Variants in THBD observed in about 807,000 individuals in gnomAD.
THBD encodes the protein thrombomodulin.
For synonymous variants in THBD, 449 were observed against 374.2 expected, an observed-to-expected ratio of 1.20 and a Z score of -2.31; for missense variants, 850 against 816.9, an observed-to-expected ratio of 1.04 and a Z score of -0.49.
At position 23,048,778 on chromosome 20, in the gene THBD, A is replaced by C. The variant is rs1984653125; in HGVS notation, c.727T>G (p.Trp243Gly). The C allele has an allele frequency of 6.5e-7, 1 of 1,547,270 alleles. No homozygotes were observed. Among genetic ancestry groups the C allele is most frequent in the African/African-American group, 1.4e-5 (1 of 73,596 alleles). Residue 243 changes from tryptophan to glycine, a missense_variant, in exon 1 of 1, where the codon TGG becomes GGG. By Grantham distance (184) the Trp-to-Gly change is radical. Transcript: ENST00000377103. ...CCGCCGTTCTCCACGCTGCAGTCCC[A>C]AGCGCCCGGCGCCTCCCTGGCCCAG... ...GHWAREAPGA[W>G]DCSVENGGCE...
Position 23,047,666 on chromosome 20 carries a change from G to T in THBD, c.*111C>A. On this transcript the variant is annotated 3_prime_UTR_variant, in exon 1 of 1. Coordinates refer to ENST00000377103, the MANE Select transcript of THBD (RefSeq NM_000361.3). ...AATAGAAGAAAACAGCTTGGGGGGT[G>T]CGGGGAGGGTCTTCTCCAGCTGTAA... 3.0e-6 allele frequency: 4 copies of T among 1,321,156 alleles called. No individual in the cohort carries two copies. Among genetic ancestry groups the T allele is most frequent in the African/African-American group, 1.5e-5 (1 of 68,044 alleles). The allele number at this position is 1,321,156 out of a possible 1,614,324, so 81.8% of individuals were successfully genotyped here. A position where few individuals can be genotyped will look rare whatever the true frequency, so the allele number is the denominator to read the frequency against.
rs753355387 is a variant in THBD, at chr20:23,047,957, G to A, written c.1548C>T (p.Gly516=). ...TCGCGATGGAGATGCCTATGAGCAA[G>A]CCCGAATGCACGAGCCCCACGGCCG... The part of the protein sequence containing the change: ...TPPAVGLVHS[G]LLIGISIASL... The change falls in exon 1 of 1, where the codon GGC becomes GGT. Residue 516 remains glycine, a synonymous_variant. Transcript: ENST00000377103. 4.2e-5 allele frequency: 68 copies of A among 1,609,634 alleles called. No homozygotes were observed. The highest frequency in any genetic ancestry group is 5.3e-5 in the Non-Finnish European group (62 of 1,178,410).
rs772538825 is a variant in THBD, at chr20:23,048,653, C to G, written c.852G>C (p.Ala284=). 1 of 1,593,366 alleles carries G rather than the reference C, an allele frequency of 6.3e-7. No individual in the cohort carries two copies. The highest frequency in any genetic ancestry group is 8.5e-7 in the Non-Finnish European group (1 of 1,177,178). The change falls in exon 1 of 1, where the codon GCG becomes GCC. Residue 284 remains alanine, a synonymous_variant. Coordinates refer to ENST00000377103, the MANE Select transcript of THBD (RefSeq NM_000361.3). ...CGCAGAGGTCGTTGCAGGACTGCGT[C>G]GCGGATGCGGTGCAGGAGCGCCCGT... ...QADGRSCTAS[A]TQSCNDLCEH... is the part of the protein sequence containing the mutation.
In THBD at chr20:23,048,006, G is replaced by A. The variant is rs753344243; in HGVS notation, c.1499C>T (p.Thr500Met). The A allele has an allele frequency of 2.1e-5, 34 of 1,608,828 alleles. 1 individual carries two copies. The highest frequency in any genetic ancestry group is 1.8e-4 in the East Asian group (8 of 44,688). ...CGGAGGAGTCAAGGTGGAGCCGGGC[G>A]TCGGGCTGGGCGGGGGCTCGCCAGA... ...SGSGEPPPSP[T>M]PGSTLTPPAV... Residue 500 changes from threonine to methionine, a missense_variant, in exon 1 of 1, where the codon ACG becomes ATG. Transcript: ENST00000377103.
At position 23,049,386 on chromosome 20, in the gene THBD, G is replaced by T. The variant is rs766710327; in HGVS notation, c.119C>A (p.Pro40Gln). Residue 40 changes from proline (P) to glutamine (Q), a missense_variant, in exon 1 of 1, where the codon CCG (proline) becomes CAG (glutamine). Physicochemically the swap from Pro to Gln is moderately conservative, Grantham distance 76. Transcript: ENST00000377103. ...GGCATTGAGGAAGGTCGCGGGGCCC[G>T]GGTAGAGCGCGAAGCAGTCGTGCTC... ...CVEHDCFALY[P>Q]GPATFLNASQ... is the part of the protein sequence containing the mutation. The T allele has an allele frequency of 1.3e-6, 2 of 1,599,800 alleles. No individual in the cohort carries two copies. The highest frequency in any genetic ancestry group is 1.7e-6 in the Non-Finnish European group (2 of 1,174,338).
chr20:23,048,620 G>A lies in THBD; in HGVS notation c.885C>T (p.Phe295=), dbSNP rs1568666169. The change falls in exon 1 of 1, where the codon TTC becomes TTT. Residue 295 remains phenylalanine (F), a synonymous_variant. Transcript: ENST00000377103. ...TQSCNDLCEH[F]CVPNPDQPGS... ...CCGGCTGGTCGGGGTTGGGAACGCA[G>A]AAGTGCTCGCAGAGGTCGTTGCAGG... is the stretch of plus-strand genomic sequence containing the variant. The A allele has an allele frequency of 2.5e-6, 4 of 1,597,892 alleles. No individual in the cohort carries two copies. Among genetic ancestry groups the A allele is most frequent in the Non-Finnish European group, 3.4e-6 (4 of 1,179,348 alleles).
Position 23,049,339 on chromosome 20 carries a change from G to T in THBD, c.166C>A (p.Arg56=), listed in dbSNP as rs758573157. 4.4e-6 allele frequency: 7 copies of T among 1,598,734 alleles called. No individual in the cohort carries two copies. Among genetic ancestry groups the T allele is most frequent in the Non-Finnish European group, 6.0e-6 (7 of 1,173,448 alleles). Residue 56 remains arginine (R), a synonymous_variant, in exon 1 of 1, where the codon CGG becomes AGG. Transcript: ENST00000377103. ...LNASQICDGL[R]GHLMTVRSSV... is the part of the protein sequence containing the mutation. Reference sequence around the variant, plus strand: ...GAGCGCACTGTCATTAGGTGGCCCCGCAGTCCGTCGCAGATCTGACTGGCA... The same window carrying T: ...GAGCGCACTGTCATTAGGTGGCCCCTCAGTCCGTCGCAGATCTGACTGGCA...
At position 23,047,480 on chromosome 20, in the gene THBD, AAC is replaced by A; in HGVS notation, c.*295_*296del. 1 of 492,500 alleles carries A rather than the reference AAC, an allele frequency of 2.0e-6. No individual in the cohort carries two copies. Among genetic ancestry groups the A allele is most frequent in the Non-Finnish European group, 3.6e-6 (1 of 278,666 alleles). The allele number at this position is 492,500 out of a possible 1,614,324, so 30.5% of individuals were successfully genotyped here. On this transcript the variant is annotated 3_prime_UTR_variant, in exon 1 of 1. Transcript: ENST00000377103. Reference sequence around the variant, plus strand: ...TCTGCCCAGAAGGCTGCCGACCAATAACGCTCACCCTCCTGCGCCCGGTAGTG... The same window carrying A: ...TCTGCCCAGAAGGCTGCCGACCAATAGCTCACCCTCCTGCGCCCGGTAGTG...
At position 23,048,794 on chromosome 20, in the gene THBD, C is replaced by A. The variant is rs1160616117; in HGVS notation, c.711G>T (p.Arg237Ser). The A allele has an allele frequency of 2.6e-6, 4 of 1,539,278 alleles. No individual in the cohort carries two copies. The East Asian group carries it at 7.3e-5, about 28-fold the overall frequency. Residue 237 changes from arginine (R) to serine (S), a missense_variant, in exon 1 of 1, where the codon AGG becomes AGT. Transcript: ENST00000377103. ...TGCAGTCCCAAGCGCCCGGCGCCTC[C>A]CTGGCCCAGTGCCCCTGGACCGCTC... ...PPGAVQGHWA[R>S]EAPGAWDCSV...
chr20:23,049,496 C>A lies in THBD; in HGVS notation c.9G>T (p.Gly3=), dbSNP rs1984687680. The A allele has an allele frequency of 6.5e-7, 1 of 1,536,498 alleles. No homozygotes were observed. The highest frequency in any genetic ancestry group is 2.5e-5 in the East Asian group (1 of 40,366). ML[G]VLVLGALALA... ...GGGCCAGCGCGCCAAGGACCAGGAC[C>A]CCAAGCATGTTACCCAGGCGCGCCG... The change falls in exon 1 of 1, where the codon GGG becomes GGT. Residue 3 remains glycine (G), a synonymous_variant. Transcript: ENST00000377103.
At position 23,048,849 on chromosome 20, in the gene THBD, C is replaced by T. The variant is rs886056548; in HGVS notation, c.656G>A (p.Gly219Asp). 3 of 1,505,778 alleles carry T rather than the reference C, an allele frequency of 2.0e-6. No homozygotes were observed. The highest frequency in any genetic ancestry group is 1.2e-5 in the South Asian group (1 of 81,204). 93.3% of individuals were successfully genotyped at this position (1,505,778 alleles called of 1,614,324 possible). The change falls in exon 1 of 1, where the codon GGC becomes GAC. Residue 219 changes from glycine to aspartate, a missense_variant. Coordinates refer to ENST00000377103, the MANE Select transcript of THBD (RefSeq NM_000361.3). ...VGSSAAVAPL[G>D]LQLMCTAPPG... is the part of the protein sequence containing the mutation. ...CGGCGCGGTGCACATTAGCTGTAAG[C>T]CGAGGGGAGCCACCGCGGCGGAGCT... is the stretch of plus-strand genomic sequence containing the variant.
Position 23,048,194 on chromosome 20 carries a change from G to A in THBD, c.1311C>T (p.Phe437=). 1 of 1,614,070 alleles carries A rather than the reference G, an allele frequency of 6.2e-7. No individual in the cohort carries two copies. The highest frequency in any genetic ancestry group is 1.3e-5 in the African/African-American group (1 of 75,082). Reference sequence around the variant, plus strand: ...CGCACTCGTCGATGTCCGTGCAGATGAAACCGTCGTCCAGGATGTAGCCTT... The same window carrying A: ...CGCACTCGTCGATGTCCGTGCAGATAAAACCGTCGTCCAGGATGTAGCCTT... ...CPEGYILDDG[F]ICTDIDECEN... Residue 437 remains phenylalanine (F), a synonymous_variant, in exon 1 of 1, where the codon TTC becomes TTT. Transcript: ENST00000377103.
Position 23,049,608 on chromosome 20 carries a change from C to G in THBD, c.-104G>C, listed in dbSNP as rs1415672790. 1 of 1,441,852 alleles carries G rather than the reference C, an allele frequency of 6.9e-7. No homozygotes were observed. The highest frequency in any genetic ancestry group is 9.5e-7 in the Non-Finnish European group (1 of 1,050,272). 89.3% of individuals were successfully genotyped at this position (1,441,852 alleles called of 1,614,324 possible). ...AGGACGCCGATGGCGACAGCCTCTC[C>G]TGTCCGTCCCAGCCCAGACACTTCT... On this transcript the variant is annotated 5_prime_UTR_variant, in exon 1 of 1. Transcript: ENST00000377103.
At position 23,048,350 on chromosome 20, in the gene THBD, G is replaced by A; in HGVS notation, c.1155C>T (p.Ser385=). Reference sequence around the variant, plus strand: ...AGCCCTCGGCGCAGACGCAGAGGTAGCTAGTTTGGTTCAGGGGCTGGCACT... The same window carrying A: ...AGCCCTCGGCGCAGACGCAGAGGTAACTAGTTTGGTTCAGGGGCTGGCACT... ...EYQCQPLNQT[S]YLCVCAEGFA... Residue 385 remains serine (S), a synonymous_variant, in exon 1 of 1, where the codon AGC becomes AGT. Transcript: ENST00000377103. The A allele has an allele frequency of 1.2e-6, 2 of 1,613,996 alleles. No individual in the cohort carries two copies. The highest frequency in any genetic ancestry group is 1.7e-6 in the Non-Finnish European group (2 of 1,180,042).
Position 23,045,925 on chromosome 20 carries a change from T to C in THBD, c.*1852A>G, listed in dbSNP as rs1984559287. ...ATGCATCTCATAGCATTTGCATGGT[T>C]TGTGAGCCCCATTTAATGACATAAA... On this transcript the variant is annotated 3_prime_UTR_variant, in exon 1 of 1. Transcript: ENST00000377103. The C allele has an allele frequency of 6.6e-6, 1 of 152,176 alleles. No homozygotes were observed. Among genetic ancestry groups the C allele is most frequent in the Non-Finnish European group, 1.5e-5 (1 of 68,028 alleles). 9.4% of individuals were successfully genotyped at this position (152,176 alleles called of 1,614,324 possible).
Position 23,046,366 on chromosome 20 carries a change from A to G in THBD, c.*1411T>C, listed in dbSNP as rs1419953198. 6.6e-6 allele frequency: 1 copy of G among 152,270 alleles called. No individual in the cohort carries two copies. Among genetic ancestry groups the G allele is most frequent in the Non-Finnish European group, 1.5e-5 (1 of 68,036 alleles). 9.4% of individuals were successfully genotyped at this position (152,270 alleles called of 1,614,324 possible). ...AACTGATCTATATTTCATGTATTCC[A>G]GAAAATTGGAAGCAGTCTGGAATGG... is the stretch of plus-strand genomic sequence containing the variant. On this transcript the variant is annotated 3_prime_UTR_variant, in exon 1 of 1. Coordinates refer to ENST00000377103, the MANE Select transcript of THBD (RefSeq NM_000361.3).
rs1401801821 is a variant in THBD at position 23,047,396 on chromosome 20, A to G, written c.*381T>C. On this transcript the variant is annotated 3_prime_UTR_variant, in exon 1 of 1. Transcript: ENST00000377103. ...AGGTAAGAACAAAGGAAACAAACAAAAACCTAAATACTTAAAAAAAATAAA... is the reference window on the plus strand; with the variant it reads ...AGGTAAGAACAAAGGAAACAAACAAGAACCTAAATACTTAAAAAAAATAAA... 4.1e-6 allele frequency: 1 copy of G among 246,800 alleles called. No individual in the cohort carries two copies. Among genetic ancestry groups the G allele is most frequent in the Non-Finnish European group, 7.9e-6 (1 of 126,978 alleles). 15.3% of individuals were successfully genotyped at this position (246,800 alleles called of 1,614,324 possible).
In THBD at chr20:23,045,785, G is replaced by A. The variant is rs1301273728; in HGVS notation, c.*1992C>T. The stretch of plus-strand genomic sequence containing the variant: ...AAGAAAATAAATATTTGTGCACACA[G>A]AGATAGCATGAAATCATTCTACAGT... On this transcript the variant is annotated 3_prime_UTR_variant, in exon 1 of 1. Coordinates refer to ENST00000377103, the MANE Select transcript of THBD (RefSeq NM_000361.3). The A allele has an allele frequency of 6.6e-6, 1 of 152,234 alleles. No individual in the cohort carries two copies. Among genetic ancestry groups the A allele is most frequent in the Non-Finnish European group, 1.5e-5 (1 of 68,044 alleles). The allele number at this position is 152,234 out of a possible 1,614,324, so 9.4% of individuals were successfully genotyped here.
At position 23,048,900 on chromosome 20, in the gene THBD, G is replaced by T; in HGVS notation, c.605C>A (p.Ala202Glu). The change falls in exon 1 of 1, where the codon GCG (alanine) becomes GAG (glutamate). Residue 202 changes from alanine to glutamate, a missense_variant. Coordinates refer to ENST00000377103, the MANE Select transcript of THBD (RefSeq NM_000361.3). ...TYGTPFAARG[A>E]DFQALPVGSS... ...GCCCACCGGCAGCGCCTGGAAGTCC[G>T]CTCCGCGGGCCGCGAACGGGGTGCC... 6.6e-7 allele frequency: 1 copy of T among 1,520,082 alleles called. No individual in the cohort carries two copies. The highest frequency in any genetic ancestry group is 8.8e-7 in the Non-Finnish European group (1 of 1,137,316). 94.2% of individuals were successfully genotyped at this position (1,520,082 alleles called of 1,614,324 possible).
Sources: gnomAD v4.1 joint callset for allele counts on GRCh38, gnomAD v4.1.1 for gene constraint, MANE v1.5 for transcripts, NCBI Gene and HGNC (gene_info 2026-07-23, HGNC 2026-07-21) for gene names.